Variants in PLEC observed in about 807,000 individuals in gnomAD.
PLEC encodes the protein plectin.
Under a neutral mutation model 392.8 loss-of-function variants are expected in PLEC, and 216 were observed. The observed-to-expected ratio is 0.55, with a 90% CI of 0.49 to 0.62. The LOEUF is 0.62. Ranked by LOEUF, PLEC falls within the 20% of genes least tolerant of loss-of-function variation. The probability of loss-of-function intolerance (pLI) is 0.00; values close to 1 mark genes in which losing one functional copy is unlikely to be tolerated. For synonymous variants in PLEC, 3,621 were observed against 2,980.6 expected (o/e 1.21, Z -7.00); for missense variants, 6,863 against 6,563.4 (o/e 1.05, Z -1.58).
rs375108349 is a variant in PLEC at position 143,921,031 on chromosome 8, C to T, written c.8790G>A (p.Ser2930=). Residue 2930 remains serine, a synonymous_variant, in exon 32 of 32, where the codon TCG becomes TCA. Transcript: ENST00000345136. ...GCCGCTGCTCTGCCGTGAAGTATTC[C>T]GAGTTGATGATCTCCCAAATGGTCA... ...KTVTIWEIIN[S]EYFTAEQRRD... The T allele has an allele frequency of 6.3e-5, 101 of 1,612,910 alleles. 3 individuals are homozygous for T. In the South Asian group the frequency reaches 9.8e-4, roughly 16 times the overall value.
In PLEC at chr8:143,916,743, C is replaced by T. The variant is rs782258135; in HGVS notation, c.13078G>A (p.Glu4360Lys). Residue 4360 changes from glutamate (E) to lysine (K), a missense_variant, in exon 32 of 32, where the codon GAG (glutamate) becomes AAG (lysine). Physicochemically the swap from Glu to Lys is moderately conservative, Grantham distance 56. Transcript: ENST00000345136. ...NLAQKAFCGF[E>K]DPRTKTKMSA... ...ATCTTGGTCTTGGTGCGTGGGTCCT[C>T]GAAGCCGCAGAAGGCCTTCTGGGCC... is the stretch of plus-strand genomic sequence containing the variant. 5.0e-6 allele frequency: 8 copies of T among 1,613,030 alleles called. No individual in the cohort carries two copies. The highest frequency in any genetic ancestry group is 1.3e-5 in the African/African-American group (1 of 74,926).
chr8:143,955,205 G>A (rs1320135724), upstream of PLEC, among the ~76,000 whole-genome samples: 2 of 152,186 alleles, frequency 1.3e-5, no homozygotes, highest in Non-Finnish European at 2.9e-5. Context: ...GGCCGGGCAC[G>A]GGGACTCATA....
upstream of PLEC, among the ~76,000 whole-genome samples, chr8:143,951,593 G>A (rs1832151904): frequency 6.6e-6 from 1 of 152,072 alleles, no homozygotes; most frequent in African/African-American, 2.4e-5. Context: ...GCAGAGCACC[G>A]GCTAGGGGGC....
chr8:143,927,142 C>T, intron 28 of PLEC, 61 bp from the exon 29 acceptor site: 1 of 1,566,294 alleles, frequency 6.4e-7, no homozygotes, highest in Non-Finnish European at 8.8e-7. Flanking sequence ...TGCCCAGCCC[C>T]TAAACCCTCA....
chr8:143,921,374 A>G lies in PLEC; in HGVS notation c.8447T>C (p.Ile2816Thr), dbSNP rs1822622106. 3 of 1,613,392 alleles carry G rather than the reference A, an allele frequency of 1.9e-6. No homozygotes were observed. Among genetic ancestry groups the G allele is most frequent in the Non-Finnish European group, 1.7e-6 (2 of 1,179,830 alleles). Residue 2816 changes from isoleucine to threonine, a missense_variant, in exon 32 of 32, where the codon ATC (isoleucine) becomes ACC (threonine). Transcript: ENST00000345136. ...LEAQIATGGVIDPVHSHRVPV... is the reference protein window; with the variant it reads ...LEAQIATGGVTDPVHSHRVPV... ...CACGCGGTGGCTGTGCACGGGGTCG[A>G]TAACGCCGCCCGTGGCGATCTGGGC...
chr8:143,934,623 G>C lies in PLEC; in HGVS notation c.1041+12C>G. On this transcript the variant is annotated intron_variant, in intron 10 of 31. Coordinates refer to ENST00000345136, the MANE Select transcript of PLEC (RefSeq NM_201384.3). ...CCAGGACACCACCCACCCCTCCAGC[G>C]GTCCCACTCACCTCCAGGGATTGGT... is the stretch of plus-strand genomic sequence containing the variant. The C allele has an allele frequency of 6.2e-7, 1 of 1,611,546 alleles. No individual in the cohort carries two copies. Among genetic ancestry groups the C allele is most frequent in the South Asian group, 1.1e-5 (1 of 91,030 alleles).
rs1827804297 is a variant in PLEC at position 143,932,855 on chromosome 8, G to A, written c.1675C>T (p.Arg559Ter). Residue 559 changes from arginine to a stop codon, truncating the protein, a stop_gained, in exon 14 of 32, where the codon CGA becomes TGA. Coordinates refer to ENST00000345136, the MANE Select transcript of PLEC (RefSeq NM_201384.3). LOFTEE classifies it high-confidence loss of function. ...TCTTCGATGGACTGGTGCAGGCCTC[G>A]GTGGCTGCCCAGCTGCGCCTCCACG... ...PSVEAQLGSH[R>*]GLHQSIEEFR... 1 of 1,612,324 alleles carries A rather than the reference G, an allele frequency of 6.2e-7. No homozygotes were observed. Among genetic ancestry groups the A allele is most frequent in the Non-Finnish European group, 8.5e-7 (1 of 1,179,814 alleles).
chr8:143,963,882 G>A (rs1004689387), intron 1 of PLEC, among the ~76,000 whole-genome samples: 3 of 146,310 alleles, frequency 2.1e-5, no homozygotes, highest in East Asian at 2.0e-4. Context: ...GTGCAGTCTC[G>A]GCCCACTGAA....
At chr8:143,952,728 T>A (rs2132763945), upstream of PLEC, among the ~76,000 whole-genome samples, 1 of 152,062 alleles carries the variant, frequency 6.6e-6, no homozygotes, top group Admixed American at 6.5e-5. Flanking sequence ...ACCTAGGTTC[T>A]CTCCTACACA....
At chr8:143,966,597 C>T (rs1833103614) in intron 1 of PLEC, among the ~76,000 whole-genome samples, 1 of 151,648 alleles carries the variant, frequency 6.6e-6, no homozygotes, top group Admixed American at 6.6e-5. Flanking sequence ...CTATCCCTCC[C>T]ACCCAACGCT....
rs376924341 is a variant in PLEC at position 143,919,440 on chromosome 8, C to T, written c.10381G>A (p.Gly3461Ser). The T allele has an allele frequency of 3.7e-5, 59 of 1,613,178 alleles. 1 individual carries two copies. Among genetic ancestry groups the T allele is most frequent in the Non-Finnish European group, 4.2e-5 (49 of 1,179,838 alleles). Residue 3461 changes from glycine to serine, a missense_variant, in exon 32 of 32, where the codon GGC becomes AGC. By Grantham distance (56) the Gly-to-Ser change is moderately conservative (BLOSUM62 0). Transcript: ENST00000345136. ...ATCTGGGCCTCCAGCAGGCGGATGC[C>T]GTGCTGCCGGAGAACCAGGCCCTTC... ...MQKGLVLRQH[G>S]IRLLEAQIAT...
In PLEC at chr8:143,916,941, T is replaced by G. The variant is rs781843744; in HGVS notation, c.12880A>C (p.Ile4294Leu). Residue 4294 changes from isoleucine to leucine, a missense_variant, in exon 32 of 32, where the codon ATC (isoleucine) becomes CTC (leucine). By Grantham distance (5) the Ile-to-Leu change is conservative (BLOSUM62 2). Transcript: ENST00000345136. ...AGGTTCCGGTGCATGGCCTCGGTGA[T>G]GGACACCTTCTCCAGCGTCTCCGTG... ...LDTETLEKVS[I>L]TEAMHRNLVD... The G allele has an allele frequency of 5.6e-6, 9 of 1,612,804 alleles. No homozygotes were observed. In the East Asian group the frequency reaches 1.6e-4, roughly 28 times the overall value.
chr8:143,922,002 C>T lies in PLEC; in HGVS notation c.7819G>A (p.Ala2607Thr). 1 of 1,598,240 alleles carries T rather than the reference C, an allele frequency of 6.3e-7. No homozygotes were observed. Among genetic ancestry groups the T allele is most frequent in the South Asian group, 1.1e-5 (1 of 90,974 alleles). The change falls in exon 32 of 32, where the codon GCC becomes ACC. Residue 2607 changes from alanine to threonine, a missense_variant. Transcript: ENST00000345136. ...QLQLLEEQHR[A>T]ALAHSEEVTA... is the part of the protein sequence containing the mutation. ...ACCTCCTCTGAGTGCGCCAGCGCGG[C>T]CCGGTGCTGCTCCTCCAGGAGCTGC...
rs1554699592 is a variant in PLEC, at chr8:143,924,899, C to A, written c.5030G>T (p.Gly1677Val). The A allele has an allele frequency of 6.3e-7, 1 of 1,586,814 alleles. No individual in the cohort carries two copies. The highest frequency in any genetic ancestry group is 8.5e-7 in the Non-Finnish European group (1 of 1,174,278). ...CCGGACGGCCTGCTCCTCCGCCTTGCCGCGCCGCCGCGCCTCGCGCTCCGC... is the reference window on the plus strand; with the variant it reads ...CCGGACGGCCTGCTCCTCCGCCTTGACGCGCCGCCGCGCCTCGCGCTCCGC... ...EEAEREARRR[G>V]KAEEQAVRQR... The change falls in exon 31 of 32, where the codon GGC becomes GTC. Residue 1677 changes from glycine (G) to valine (V), a missense_variant. Coordinates refer to ENST00000345136, the MANE Select transcript of PLEC (RefSeq NM_201384.3).
In PLEC at chr8:143,920,435, T is replaced by C. The variant is rs782543325; in HGVS notation, c.9386A>G (p.Gln3129Arg). Residue 3129 changes from glutamine (Q) to arginine (R), a missense_variant, in exon 32 of 32, where the codon CAG becomes CGG. Coordinates refer to ENST00000345136, the MANE Select transcript of PLEC (RefSeq NM_201384.3). ...CTGGGCGTCCAACAGGCGCAGGCCC[T>C]GCTCCCGGGGAATGAGGCCCTTCTT... ...ALKKGLIPRE[Q>R]GLRLLDAQLS... The C allele has an allele frequency of 6.3e-7, 1 of 1,598,604 alleles. No homozygotes were observed. The highest frequency in any genetic ancestry group is 1.7e-5 in the Admixed American group (1 of 59,416).
Position 143,919,705 on chromosome 8 carries a change from G to A in PLEC, c.10116C>T (p.Tyr3372=), listed in dbSNP as rs370643130. The A allele has an allele frequency of 2.7e-5, 43 of 1,604,496 alleles. No homozygotes were observed. The highest frequency in any genetic ancestry group is 1.6e-4 in the Middle Eastern group (1 of 6,068). The change falls in exon 32 of 32, where the codon TAC becomes TAT. Residue 3372 remains tyrosine, a synonymous_variant. Transcript: ENST00000345136. ...TCAGCAGGCCCCGGCGCATGGCCTCGTAGATGGACACCTTCTCCTTGGTGT... is the reference window on the plus strand; with the variant it reads ...TCAGCAGGCCCCGGCGCATGGCCTCATAGATGGACACCTTCTCCTTGGTGT... The part of the protein sequence containing the change: ...LEDTKEKVSI[Y]EAMRRGLLRA...
chr8:143,938,798 G>A (rs1829776258), intron 1 of PLEC, 106 bp from the exon 2 acceptor site: 5 of 989,220 alleles, frequency 5.1e-6, no homozygotes, highest in African/African-American at 3.2e-5. Flanking sequence ...TCCTGCCTGG[G>A]GAGCCCCAAA....
Position 143,923,639 on chromosome 8 carries a change from C to A in PLEC, c.6290G>T (p.Arg2097Leu). The A allele has an allele frequency of 6.3e-7, 1 of 1,581,578 alleles. No homozygotes were observed. Among genetic ancestry groups the A allele is most frequent in the Admixed American group, 1.7e-5 (1 of 58,526 alleles). The part of the protein sequence containing the change: ...RRAAEEAEEA[R>L]VQAEREAAQS... Reference sequence around the variant, plus strand: ...CGCCGCCTCACGCTCCGCCTGCACCCGGGCCTCCTCCGCCTCCTCAGCCGC... The same window carrying A: ...CGCCGCCTCACGCTCCGCCTGCACCAGGGCCTCCTCCGCCTCCTCAGCCGC... Residue 2097 changes from arginine (R) to leucine (L), a missense_variant, in exon 31 of 32, where the codon CGG becomes CTG. By Grantham distance (102) the Arg-to-Leu change is moderately radical. Transcript: ENST00000345136.
chr8:143,919,303 G>A lies in PLEC; in HGVS notation c.10518C>T (p.Ser3506=), dbSNP rs373881796. Residue 3506 remains serine (S), a synonymous_variant, in exon 32 of 32, where the codon AGC becomes AGT. Coordinates refer to ENST00000345136, the MANE Select transcript of PLEC (RefSeq NM_201384.3). ...EEMNRVLADP[S]DDTKGFFDPN... ...GGTCAAAGAAGCCCTTGGTGTCGTC[G>A]CTGGGGTCCGCCAGGACGCGGTTCA... is the stretch of plus-strand genomic sequence containing the variant. 64 of 1,613,856 alleles carry A rather than the reference G, an allele frequency of 4.0e-5. 1 individual carries two copies. In the Middle Eastern group the frequency reaches 6.6e-4, roughly 17 times the overall value.
Sources: allele counts gnomAD v4.1 joint callset (sites outside exome capture counted in the v4.1 genomes callset), GRCh38; gene constraint gnomAD v4.1.1; transcripts MANE v1.5; gene names NCBI Gene and HGNC (gene_info 2026-07-23, HGNC 2026-07-21).